MYO1H: variants seen among roughly 807,000 people sequenced by gnomAD.
MYO1H encodes the protein myosin IH.
A neutral mutation model predicts 149.3 loss-of-function variants in MYO1H; 118 were observed. That is an observed-to-expected ratio of 0.79 (90% CI 0.68 to 0.92). The LOEUF is 0.92. Among genes scored for constraint, MYO1H ranks in the 40% least tolerant of loss-of-function variants. The pLI, the probability that MYO1H is intolerant of heterozygous loss-of-function variation, is 0.00. For synonymous variants in MYO1H, 447 were observed against 465.2 expected, an observed-to-expected ratio of 0.96 and a Z score of 0.50; for missense variants, 1,212 against 1,280.7, an observed-to-expected ratio of 0.95 and a Z score of 0.82.
the MYO1H span, among the ~76,000 whole-genome samples, chr12:109,338,697 T>C: frequency 7.5e-6 from 1 of 132,946 alleles, no homozygotes; most frequent in Admixed American, 9.4e-5. Context: ...GAATCGGAGG[T>C]GGAGGTTGCA....
intron 1 of MYO1H, among the ~76,000 whole-genome samples, chr12:109,361,134 A>AAG (rs1868736730): frequency 6.6e-6 from 1 of 152,230 alleles, no homozygotes; most frequent in African/African-American, 2.4e-5. Flanking sequence ...CTTGGAAGGA[A>AAG]AATACAACAG....
chr12:109,317,859 T>G, the MYO1H span, among the ~76,000 whole-genome samples: 1 of 152,332 alleles, frequency 6.6e-6, no homozygotes, highest in East Asian at 1.9e-4. Flanking sequence ...CTTGTAAGCT[T>G]CTCAGGGTAA....
rs146003134 is a variant in MYO1H, at chr12:109,443,082, G to GTA, written c.2689-430_2689-429dup. On this transcript the variant is annotated intron_variant, in intron 27 of 31. Transcript: ENST00000310903. ...TACGTATGTGTGTATATATGTGTAC[G>GTA]TATGTGTGTATATATGTGTACGTAT... Among the ~76,000 whole-genome samples the GTA allele has an allele frequency of 9.9e-3, 491 of 49,600 alleles. 78 individuals carry two copies. The highest frequency in any genetic ancestry group is 0.036 in the Middle Eastern group (3 of 84). The allele number at this position is 49,600 out of a possible 152,430, so 32.5% of individuals were successfully genotyped here.
chr12:109,383,129 C>G (rs1566021931), intron 1 of MYO1H, among the ~76,000 whole-genome samples: 1 of 152,102 alleles, frequency 6.6e-6, no homozygotes, highest in Non-Finnish European at 1.5e-5. Context: ...CTCTCACCCC[C>G]TACTTCAATC....
chr12:109,345,580 A>G (rs2048100334), upstream of MYO1H, among the ~76,000 whole-genome samples: 1 of 152,206 alleles, frequency 6.6e-6, no homozygotes, highest in African/African-American at 2.4e-5. Flanking sequence ...CATAGAGTTA[A>G]CACGTAACCC....
chr12:109,364,581 T>C (rs1868827384), intron 1 of MYO1H, among the ~76,000 whole-genome samples: 1 of 152,216 alleles, frequency 6.6e-6, no homozygotes, highest in Non-Finnish European at 1.5e-5. Flanking sequence ...TGCCTCGGCT[T>C]CCCACGTTCT....
chr12:109,411,022 G>A (rs972561835), intron 13 of MYO1H, among the ~76,000 whole-genome samples: 13 of 152,166 alleles, frequency 8.5e-5, no homozygotes, highest in Non-Finnish European at 1.2e-4. Flanking sequence ...TGCGCCTGTA[G>A]TCCCAGCTAC....
rs559641567 is a variant in MYO1H at position 109,417,473 on chromosome 12, G to A, written c.1597+1853G>A. Among the ~76,000 whole-genome samples the A allele has an allele frequency of 7.1e-4, 108 of 151,912 alleles. 1 individual carries two copies. Among genetic ancestry groups the A allele is most frequent in the African/African-American group, 2.5e-3 (102 of 41,448 alleles). On this transcript the variant is annotated intron_variant, in intron 15 of 31. Transcript: ENST00000310903. ...CTCCCAAGTAGCTGGGACTACAGGT[G>A]CCCGCCACCACACCTGGATAATTTT...
intron 1 of MYO1H, among the ~76,000 whole-genome samples, chr12:109,373,910 C>A (rs2196613): frequency 0.059 from 8,988 of 152,162 alleles, 871 homozygotes; most frequent in African/African-American, 0.21. Context: ...TCACTTGAAC[C>A]TGGGAGGTGG....
intron 25 of MYO1H, 71 bp from the exon 26 acceptor site, chr12:109,441,544 G>T (rs2135601967): frequency 1.1e-6 from 1 of 950,156 alleles, no homozygotes; most frequent in East Asian, 2.6e-5. Flanking sequence ...TGACCTCAAT[G>T]GGTCTAGAGC....
At chr12:109,335,366 G>A in the MYO1H span, among the ~76,000 whole-genome samples, 26 of 152,162 alleles carry the variant, frequency 1.7e-4, no homozygotes, top group Admixed American at 5.9e-4. Context: ...GAGAACTATC[G>A]TGATGACAGC....
chr12:109,410,977 A>G (rs1217074211), intron 13 of MYO1H, among the ~76,000 whole-genome samples: 1 of 152,130 alleles, frequency 6.6e-6, no homozygotes, highest in Non-Finnish European at 1.5e-5. Context: ...CCCTGTCTCT[A>G]CTAAAAATAC....
exon 3 of MYO1H, chr12:109,393,378 C>T (rs761320079): frequency 2.3e-5 from 36 of 1,588,338 alleles, no homozygotes; most frequent in East Asian, 1.6e-4. Flanking sequence ...ACCAGGAGCT[C>T]GGAATCTACA....
chr12:109,379,943 G>A (rs1282232857), intron 1 of MYO1H, among the ~76,000 whole-genome samples: 1 of 152,018 alleles, frequency 6.6e-6, no homozygotes, highest in Non-Finnish European at 1.5e-5. Context: ...ATGTTGGCCA[G>A]CATGGTGTCG....
At chr12:109,328,120 CATAACACACACACACACACGCAT>C in the MYO1H span, among the ~76,000 whole-genome samples, 1 of 148,228 alleles carries the variant, frequency 6.7e-6, no homozygotes, top group Non-Finnish European at 1.5e-5. Context: ...CATTGGGGAT[CATAACACACACACACACACGCAT>C]ATATATATAT....
the MYO1H span, among the ~76,000 whole-genome samples, chr12:109,320,144 T>C: frequency 1.3e-5 from 2 of 151,666 alleles, no homozygotes; most frequent in Admixed American, 1.3e-4. Flanking sequence ...AGATTGTCTC[T>C]ACAAAAAATA....
At chr12:109,369,973 G>A (rs1400159253) in intron 1 of MYO1H, among the ~76,000 whole-genome samples, 1 of 152,174 alleles carries the variant, frequency 6.6e-6, no homozygotes, top group Non-Finnish European at 1.5e-5. Flanking sequence ...TAGAGAACTT[G>A]TACAGGGAAA....
chr12:109,408,835 G>A (rs1440320142), intron 10 of MYO1H, among the ~76,000 whole-genome samples: 1 of 152,012 alleles, frequency 6.6e-6, no homozygotes, highest in Non-Finnish European at 1.5e-5. Context: ...TGTCGTTCAG[G>A]CTGAAGTGCA....
At position 109,443,445 on chromosome 12, in the gene MYO1H, G is replaced by C. The variant is rs925132253; in HGVS notation, c.2689-69G>C. On this transcript the variant is annotated intron_variant, in intron 27 of 31. Coordinates refer to ENST00000310903, the Ensembl canonical transcript of MYO1H. Reference sequence around the variant, plus strand: ...TCTAAATGCTTGACATCACTTTACCGGTGTCTGAGTAGCAAGAAACTCGGT... The same window carrying C: ...TCTAAATGCTTGACATCACTTTACCCGTGTCTGAGTAGCAAGAAACTCGGT... 2.1e-5 allele frequency: 33 copies of C among 1,555,836 alleles called. No homozygotes were observed. The African/African-American group carries it at 3.4e-4, about 16-fold the overall frequency.
Sources: gnomAD v4.1 joint callset for allele counts (sites outside exome capture counted in the v4.1 genomes callset) on GRCh38, gnomAD v4.1.1 for gene constraint, MANE v1.5 for transcripts, NCBI Gene and HGNC (gene_info 2026-07-23, HGNC 2026-07-21) for gene names.